The following VWA8 variants were observed in gnomAD, a reference collection of about 807,000 sequenced individuals.
VWA8 encodes the protein von Willebrand factor A domain containing 8, also known as von Willebrand factor A domain-containing protein 8.
Under a neutral mutation model 241.5 loss-of-function variants are expected in VWA8, and 221 were observed. The observed-to-expected ratio is 0.91, with a 90% CI of 0.82 to 1.02. VWA8 has a LOEUF of 1.02. VWA8 is among the 50% of genes least tolerant of loss of function. VWA8 has a pLI of 0.00. For synonymous variants in VWA8, 852 were observed against 827.1 expected (o/e 1.03, Z -0.52); for missense variants, 2,322 against 2,328.7 (o/e 1.00, Z 0.06).
At chr13:41,822,129 CTG>C (rs985892625) in intron 14 of VWA8, among the ~76,000 whole-genome samples, 1 of 152,086 alleles carries the variant, frequency 6.6e-6, no homozygotes, top group Non-Finnish European at 1.5e-5. Context: ...AATTATCAAA[CTG>C]TGCATTTTAA....
In VWA8 at chr13:41,636,795, C is replaced by G. The variant is rs374140955; in HGVS notation, c.4612-21711G>C. 8.6e-4 allele frequency among the ~76,000 whole-genome samples: 131 copies of G among 152,286 alleles called. 3 individuals carry two copies. In the South Asian group the frequency reaches 0.022, roughly 25 times the overall value. ...TTTTCAGAAGAAGACATTTATGCAG[C>G]CAAAAGACACATGAAAAAATGTTCA... On this transcript the variant is annotated intron_variant, in intron 37 of 44. Transcript: ENST00000379310.
At chr13:41,775,091 G>GC (rs1868531283) in intron 20 of VWA8, among the ~76,000 whole-genome samples, 1 of 152,162 alleles carries the variant, frequency 6.6e-6, no homozygotes, top group Admixed American at 6.5e-5. Flanking sequence ...AGGAAAAAAA[G>GC]CATTTACAGG....
chr13:41,585,779 G>T (rs746651409), intron 42 of VWA8, among the ~76,000 whole-genome samples: 3 of 150,360 alleles, frequency 2.0e-5, no homozygotes, highest in Non-Finnish European at 2.9e-5. Context: ...CAGGAGAATC[G>T]CTTGAACCCA....
At chr13:41,938,778 C>A (rs916941993) in intron 2 of VWA8, among the ~76,000 whole-genome samples, 2 of 152,144 alleles carry the variant, frequency 1.3e-5, no homozygotes, top group Non-Finnish European at 2.9e-5. Flanking sequence ...GATTTTTTCC[C>A]AAGCTCTAAC....
At chr13:41,571,956 G>A (rs1000919387) in intron 43 of VWA8, among the ~76,000 whole-genome samples, 7 of 152,066 alleles carry the variant, frequency 4.6e-5, no homozygotes, top group South Asian at 4.2e-4. Flanking sequence ...CCCTCTGACC[G>A]GCCGCCCAGT....
chr13:41,824,838 G>T (rs373848866), intron 14 of VWA8, among the ~76,000 whole-genome samples: 1 of 109,998 alleles, frequency 9.1e-6, no homozygotes, highest in Non-Finnish European at 1.9e-5. Flanking sequence ...AACAGAAAAA[G>T]AAAAAAAAAA....
intron 42 of VWA8, among the ~76,000 whole-genome samples, chr13:41,582,667 T>C (rs1019043949): frequency 2.6e-5 from 4 of 152,220 alleles, no homozygotes; most frequent in African/African-American, 9.6e-5. Context: ...TGTTAGTTAT[T>C]CCTATTCCCT....
chr13:41,643,330 C>T (rs1244577122), intron 37 of VWA8, among the ~76,000 whole-genome samples: 3 of 152,148 alleles, frequency 2.0e-5, no homozygotes, highest in Admixed American at 6.5e-5. Flanking sequence ...TGAACTTTTC[C>T]GATCTGGACT....
intron 16 of VWA8, among the ~76,000 whole-genome samples, chr13:41,815,669 G>C (rs576978974): frequency 3.3e-5 from 5 of 152,284 alleles, no homozygotes; most frequent in African/African-American, 1.2e-4. Flanking sequence ...CAGTCATACT[G>C]ATTTCAGACT....
Position 41,794,406 on chromosome 13 carries a change from G to T in VWA8, c.2064-6863C>A, listed in dbSNP as rs970794091. The stretch of plus-strand genomic sequence containing the variant: ...GTTCTCTTTGCAGCAATTGTGAATG[G>T]GAGTTCATTCATGATTTGGCTCACT... On this transcript the variant is annotated intron_variant, in intron 17 of 44. Coordinates refer to ENST00000379310, the MANE Select transcript of VWA8 (RefSeq NM_015058.2). 2.0e-5 allele frequency among the ~76,000 whole-genome samples: 3 copies of T among 152,082 alleles called. No individual in the cohort carries two copies. The South Asian group carries it at 6.2e-4, about 32-fold the overall frequency.
rs192751453 is a variant in VWA8 at position 41,871,429 on chromosome 13, A to T, written c.1081-2952T>A. ...ACTAACTCGTCATCTAGCATTAGGT[A>T]TATCTCCCAATGCTATCCCTCCCCA... On this transcript the variant is annotated intron_variant, in intron 9 of 44. Coordinates refer to ENST00000379310, the MANE Select transcript of VWA8 (RefSeq NM_015058.2). Among the ~76,000 whole-genome samples, 442 of 152,172 alleles carry T rather than the reference A, an allele frequency of 2.9e-3. 4 individuals are homozygous for T. The highest frequency in any genetic ancestry group is 0.01 in the African/African-American group (430 of 41,508).
intron 38 of VWA8, among the ~76,000 whole-genome samples, chr13:41,612,765 C>G (rs2044598089): frequency 6.6e-6 from 1 of 152,118 alleles, no homozygotes; most frequent in Non-Finnish European, 1.5e-5. Context: ...GTATAATACA[C>G]TGCTATTGTA....
chr13:41,847,971 C>T (rs1872361502), intron 12 of VWA8, among the ~76,000 whole-genome samples: 1 of 152,098 alleles, frequency 6.6e-6, no homozygotes. Flanking sequence ...CATTTTCCAC[C>T]AAAGGCTCAA....
intron 20 of VWA8, among the ~76,000 whole-genome samples, chr13:41,776,409 A>G (rs935154117): frequency 5.3e-5 from 8 of 152,240 alleles, no homozygotes; most frequent in African/African-American, 1.9e-4. Context: ...TTCAATATCA[A>G]GAGCCAAATT....
At chr13:41,631,577 G>T (rs1036094570) in intron 37 of VWA8, among the ~76,000 whole-genome samples, 2 of 152,066 alleles carry the variant, frequency 1.3e-5, no homozygotes, top group African/African-American at 4.8e-5. Context: ...TTATAGGCTC[G>T]TAGAACTCAT....
intron 12 of VWA8, among the ~76,000 whole-genome samples, chr13:41,861,722 T>C (rs898647280): frequency 6.6e-6 from 1 of 151,992 alleles, no homozygotes; most frequent in Non-Finnish European, 1.5e-5. Flanking sequence ...ATAAAATACC[T>C]AGGAATGCAG....
intron 1 of VWA8, among the ~76,000 whole-genome samples, chr13:41,960,514 G>A (rs1377731035): frequency 1.3e-5 from 2 of 152,198 alleles, no homozygotes; most frequent in African/African-American, 4.8e-5. Flanking sequence ...ATTCCATAGG[G>A]CTGAGGCATT....
intron 4 of VWA8, among the ~76,000 whole-genome samples, chr13:41,902,416 G>C (rs997277416): frequency 3.3e-5 from 5 of 152,136 alleles, no homozygotes; most frequent in Non-Finnish European, 7.4e-5. Context: ...AATACAGCAA[G>C]TAATTTTTCA....
chr13:41,796,762 T>C (rs941211231), intron 17 of VWA8, among the ~76,000 whole-genome samples: 62 of 152,080 alleles, frequency 4.1e-4, no homozygotes, highest in African/African-American at 1.4e-3. Context: ...TTCTCTATTA[T>C]TTTCAAGTGT....
Sources: allele counts gnomAD v4.1 joint callset (sites outside exome capture counted in the v4.1 genomes callset), GRCh38; gene constraint gnomAD v4.1.1; transcripts MANE v1.5; gene names NCBI Gene and HGNC (gene_info 2026-07-23, HGNC 2026-07-21).